The following GCNT2 variants were observed in gnomAD, a reference collection of about 807,000 sequenced individuals.
GCNT2 encodes N-acetyllactosaminide beta-1,6-N-acetylglucosaminyl-transferase.
Under a neutral mutation model 34.2 loss-of-function variants are expected in GCNT2, and 34 were observed. That is an observed-to-expected ratio of 1.00 (90% CI 0.76 to 1.32). The LOEUF (loss-of-function observed/expected upper bound fraction) is 1.32. GCNT2 is among the 40% of genes most tolerant of loss of function. The pLI, the probability that GCNT2 is intolerant of heterozygous loss-of-function variation, is 0.00. For missense variants in GCNT2, 584 were observed against 489.4 expected, an observed-to-expected ratio of 1.19 and a Z score of -1.82; for synonymous variants, 212 against 188.0, an observed-to-expected ratio of 1.13 and a Z score of -1.04.
intron 3 of GCNT2, among the ~76,000 whole-genome samples, chr6:10,600,388 C>T (rs1679060030): frequency 6.6e-6 from 1 of 152,160 alleles, no homozygotes; most frequent in Admixed American, 6.5e-5. Context: ...GATTTTGAAG[C>T]AGCTTCTTTG....
chr6:10,619,009 T>C (rs1765915224), intron 3 of GCNT2, among the ~76,000 whole-genome samples: 1 of 152,194 alleles, frequency 6.6e-6, no homozygotes. Flanking sequence ...CATCATATAA[T>C]CATCATATGA....
At position 10,528,949 on chromosome 6, in the gene GCNT2, C is replaced by T; in HGVS notation, c.38C>T (p.Ser13Phe). 1 of 1,614,010 alleles carries T rather than the reference C, an allele frequency of 6.2e-7. No homozygotes were observed. The highest frequency in any genetic ancestry group is 8.5e-7 in the Non-Finnish European group (1 of 1,179,872). Residue 13 changes from serine to phenylalanine, a missense_variant, in exon 3 of 5, where the codon TCT (serine) becomes TTT (phenylalanine). By Grantham distance (155) the Ser-to-Phe change is radical. Transcript: ENST00000495262. ...TGGAAGCACTGTCTTTTTAGCGCGT[C>T]TCTTATCTCTGCCCTGATTTTTGTA... Reference protein sequence around the residue: ...GSWKHCLFSASLISALIFVFV... With the variant: ...GSWKHCLFSAFLISALIFVFV...
At chr6:10,559,117 A>C (rs1762851082) in intron 3 of GCNT2, among the ~76,000 whole-genome samples, 2 of 148,678 alleles carry the variant, frequency 1.3e-5, no homozygotes, top group African/African-American at 5.0e-5. Context: ...GGTTTCTATT[A>C]AATGTAAATA....
chr6:10,623,325 T>C (rs1766124034), intron 4 of GCNT2, among the ~76,000 whole-genome samples: 1 of 151,628 alleles, frequency 6.6e-6, no homozygotes. Context: ...AGTTTCACTC[T>C]TGTCACCCAG....
intron 3 of GCNT2, among the ~76,000 whole-genome samples, chr6:10,573,593 T>A (rs1175547618): frequency 6.6e-6 from 1 of 152,236 alleles, no homozygotes; most frequent in East Asian, 1.9e-4. Context: ...TTTTAAAAAT[T>A]GGAAAGCTAA....
At chr6:10,564,627 C>T (rs1763194846) in intron 3 of GCNT2, among the ~76,000 whole-genome samples, 1 of 152,222 alleles carries the variant, frequency 6.6e-6, no homozygotes, top group Non-Finnish European at 1.5e-5. Context: ...GAATGTGAAT[C>T]CCGGCTCTGT....
At chr6:10,621,722 T>G (rs1219353685) in intron 4 of GCNT2, 1 of 397,038 alleles carries the variant, frequency 2.5e-6, no homozygotes, top group African/African-American at 2.1e-5. Context: ...TTTCTTTCTT[T>G]CTTTAGAGAC....
rs751289332 is a variant in GCNT2, at chr6:10,529,740, G to A, written c.829G>A (p.Val277Ile). ...TCTCACAAGGGACTTTGCTAACTTC[G>A]TCCTCCAAGACCAGCTCGCACTTGA... The part of the protein sequence containing the change: ...VALTRDFANF[V>I]LQDQLALDLL... Residue 277 changes from valine to isoleucine, a missense_variant, in exon 3 of 5, where the codon GTC becomes ATC. Transcript: ENST00000495262. 19 of 1,614,028 alleles carry A rather than the reference G, an allele frequency of 1.2e-5. No homozygotes were observed. The highest frequency in any genetic ancestry group is 1.5e-5 in the Non-Finnish European group (18 of 1,179,980).
chr6:10,569,436 C>T (rs998462368), intron 3 of GCNT2, among the ~76,000 whole-genome samples: 1 of 152,104 alleles, frequency 6.6e-6, no homozygotes, highest in Non-Finnish European at 1.5e-5. Flanking sequence ...GTTCTCCCAC[C>T]TCAGCCTCCC....
intron 3 of GCNT2, among the ~76,000 whole-genome samples, chr6:10,572,535 A>G (rs1763598962): frequency 6.6e-6 from 1 of 152,134 alleles, no homozygotes. Context: ...GATCGAGACC[A>G]TCCTGGCCAA....
Position 10,529,176 on chromosome 6 carries a change from T to C in GCNT2, c.265T>C (p.Ser89Pro), listed in dbSNP as rs774996541. The C allele has an allele frequency of 1.2e-6, 2 of 1,614,164 alleles. No individual in the cohort carries two copies. The highest frequency in any genetic ancestry group is 3.3e-5 in the Admixed American group (2 of 60,004). The change falls in exon 3 of 5, where the codon TCT becomes CCT. Residue 89 changes from serine to proline, a missense_variant. Physicochemically the swap from Ser to Pro is moderately conservative, Grantham distance 74. Coordinates refer to ENST00000495262, the MANE Select transcript of GCNT2 (RefSeq NM_145649.5). ...AAGCCACTATGTAACAGAAACACTC[T>C]CTGAAGAAGAGGCTGGGTTCCCTTT... ...VRSHYVTETL[S>P]EEEAGFPLAY... is the part of the protein sequence containing the mutation.
intron 3 of GCNT2, among the ~76,000 whole-genome samples, chr6:10,567,648 C>A (rs1488775553): frequency 6.6e-6 from 1 of 152,116 alleles, no homozygotes; most frequent in African/African-American, 2.4e-5. Flanking sequence ...CTAATAATTG[C>A]CAGAGCCAGG....
At chr6:10,574,104 G>C (rs977528928) in intron 3 of GCNT2, among the ~76,000 whole-genome samples, 10 of 152,136 alleles carry the variant, frequency 6.6e-5, no homozygotes, top group African/African-American at 1.9e-4. Flanking sequence ...AACCCTATGG[G>C]GTCAGCGTTC....
intron 3 of GCNT2, among the ~76,000 whole-genome samples, chr6:10,613,895 C>T (rs1765659572): frequency 6.6e-6 from 1 of 152,136 alleles, no homozygotes; most frequent in Admixed American, 6.6e-5. Flanking sequence ...CGGAAGTTCC[C>T]TAATCCCTAG....
At chr6:10,617,750 C>CTTCTTTTTTT (rs1765849390) in intron 3 of GCNT2, among the ~76,000 whole-genome samples, 7 of 101,738 alleles carry the variant, frequency 6.9e-5, no homozygotes, top group African/African-American at 3.5e-4. Flanking sequence ...TGCATTTCTT[C>CTTCTTTTTTT]TTTTTTTTTT....
Position 10,529,142 on chromosome 6 carries a change from C to T in GCNT2, c.231C>T (p.Tyr77=), listed in dbSNP as rs757230661. ...TTGATGAAGCTACCTGCTATGAGTA[C>T]ATGGTTCGAAGCCACTATGTAACAG... ...TTLDEATCYE[Y]MVRSHYVTET... The change falls in exon 3 of 5, where the codon TAC becomes TAT. Residue 77 remains tyrosine (Y), a synonymous_variant. Coordinates refer to ENST00000495262, the MANE Select transcript of GCNT2 (RefSeq NM_145649.5). The T allele has an allele frequency of 5.6e-6, 9 of 1,613,950 alleles. No individual in the cohort carries two copies. In the South Asian group the frequency reaches 9.9e-5, roughly 18 times the overall value.
chr6:10,532,904 G>A (rs1411813830), intron 3 of GCNT2, among the ~76,000 whole-genome samples: 2 of 142,140 alleles, frequency 1.4e-5, no homozygotes, highest in Non-Finnish European at 3.0e-5. Context: ...TGTATATGTT[G>A]TGGTTTTTGC....
intron 3 of GCNT2, among the ~76,000 whole-genome samples, chr6:10,579,067 T>C (rs938917502): frequency 1.3e-5 from 2 of 152,204 alleles, no homozygotes; most frequent in African/African-American, 2.4e-5. Context: ...CTCTGATCTC[T>C]AGTGTGAGAA....
intron 3 of GCNT2, chr6:10,530,138 G>A: frequency 6.6e-6 from 2 of 303,656 alleles, no homozygotes; most frequent in Non-Finnish European, 1.3e-5. Flanking sequence ...GAGGCAGGTG[G>A]ATCACTTGAG....
Sources: allele counts gnomAD v4.1 joint callset (sites outside exome capture counted in the v4.1 genomes callset), GRCh38; gene constraint gnomAD v4.1.1; transcripts MANE v1.5; gene names NCBI Gene and HGNC (gene_info 2026-07-23, HGNC 2026-07-21).